The following KIZ variants were observed in gnomAD, a reference collection of about 807,000 sequenced individuals.
KIZ encodes centrosomal protein kizuna.
A neutral mutation model predicts 79.6 loss-of-function variants in KIZ; 68 were observed. The observed-to-expected ratio is 0.85, with a 90% confidence interval of 0.70 to 1.05. KIZ has a LOEUF of 1.05. Ranked by LOEUF, KIZ falls within the 50% of genes least tolerant of loss-of-function variation. KIZ has a pLI of 0.00. For missense variants in KIZ, 797 were observed against 800.4 expected, an observed-to-expected ratio of 1.00 and a Z score of 0.05; for synonymous variants, 280 against 281.8, an observed-to-expected ratio of 0.99 and a Z score of 0.06.
At chr20:21,187,226 G>C (rs1555881840) in intron 6 of KIZ, among the ~76,000 whole-genome samples, 1 of 152,138 alleles carries the variant, frequency 6.6e-6, no homozygotes, top group Non-Finnish European at 1.5e-5. Context: ...CAGCAAACCA[G>C]CCCAATCCTT....
At chr20:21,126,019 G>C, upstream of KIZ, 1 of 1,335,716 alleles carries the variant, frequency 7.5e-7, no homozygotes, top group South Asian at 1.8e-5. Context: ...GGCCCGGCGC[G>C]GTGTTTACCC....
chr20:21,201,967 T>C (rs1300363131), intron 6 of KIZ, among the ~76,000 whole-genome samples: 1 of 152,216 alleles, frequency 6.6e-6, no homozygotes, highest in Admixed American at 6.5e-5. Context: ...TGTTCAGAAG[T>C]CACAAACCCT....
chr20:21,136,131 T>G (rs778840705), intron 2 of KIZ, among the ~76,000 whole-genome samples: 1 of 152,174 alleles, frequency 6.6e-6, no homozygotes, highest in African/African-American at 2.4e-5. Flanking sequence ...ATCTTTACTG[T>G]GTGAATGTTA....
At chr20:21,238,183 G>C (rs1299820737) in intron 11 of KIZ, among the ~76,000 whole-genome samples, 1 of 151,764 alleles carries the variant, frequency 6.6e-6, no homozygotes, top group East Asian at 1.9e-4. Flanking sequence ...GAGTGAGTAA[G>C]CATGGATATA....
chr20:21,141,351 G>A (rs2122447418), intron 3 of KIZ, among the ~76,000 whole-genome samples: 1 of 152,290 alleles, frequency 6.6e-6, no homozygotes, highest in Admixed American at 6.5e-5. Flanking sequence ...TAGTCAGCCT[G>A]GCGCCAAATC....
chr20:21,159,266 A>G (rs1425990454), intron 4 of KIZ, among the ~76,000 whole-genome samples: 2 of 152,038 alleles, frequency 1.3e-5, no homozygotes, highest in Non-Finnish European at 2.9e-5. Context: ...CAATCCTCCC[A>G]TCTCAGCCTC....
intron 4 of KIZ, among the ~76,000 whole-genome samples, chr20:21,147,961 TTGTGTGTGTGTGTGTGTGTGTGTG>T (rs61333547): frequency 7.1e-6 from 1 of 141,036 alleles, no homozygotes; most frequent in Admixed American, 7.1e-5. Flanking sequence ...CTCCTGGAAT[TTGTGTGTGTGTGTGTGTGTGTGTG>T]TGTGTGTGTG....
At chr20:21,176,256 G>A (rs1295195501) in intron 6 of KIZ, among the ~76,000 whole-genome samples, 1 of 152,172 alleles carries the variant, frequency 6.6e-6, no homozygotes, top group East Asian at 1.9e-4. Context: ...GTTGCAGTGA[G>A]CCAAGATCGC....
intron 4 of KIZ, chr20:21,151,916 T>C (rs2033139991): frequency 1.3e-5 from 2 of 152,306 alleles, no homozygotes. Flanking sequence ...AGAAGCAGCC[T>C]GAATGAGCAG....
intron 11 of KIZ, among the ~76,000 whole-genome samples, chr20:21,236,688 C>CT (rs1223804726): frequency 1.1e-4 from 16 of 151,570 alleles, no homozygotes; most frequent in South Asian, 2.1e-4. Flanking sequence ...GCTATTTTTT[C>CT]TTTTTTTAAA....
At chr20:21,159,045 T>G (rs1026135322) in intron 4 of KIZ, among the ~76,000 whole-genome samples, 2 of 151,648 alleles carry the variant, frequency 1.3e-5, no homozygotes, top group Non-Finnish European at 2.9e-5. Context: ...TTTGCTCTTG[T>G]CACCCAGGCT....
At chr20:21,147,700 A>G (rs1053624325) in intron 4 of KIZ, among the ~76,000 whole-genome samples, 17 of 152,214 alleles carry the variant, frequency 1.1e-4, no homozygotes, top group Non-Finnish European at 7.3e-5. Context: ...CTCAGAAAGC[A>G]ATGTTCTTTC....
chr20:21,155,077 G>T (rs6035791), intron 4 of KIZ, among the ~76,000 whole-genome samples: 91,083 of 151,652 alleles, frequency 0.6, 28,307 homozygotes, highest in South Asian at 0.78. Context: ...ATGTAAAATG[G>T]TGCAAACACT....
intron 6 of KIZ, among the ~76,000 whole-genome samples, chr20:21,189,683 A>G (rs926035691): frequency 3.9e-5 from 6 of 152,244 alleles, no homozygotes; most frequent in African/African-American, 1.4e-4. Flanking sequence ...ACCTTAGTAC[A>G]GACGGATGGT....
intron 4 of KIZ, among the ~76,000 whole-genome samples, chr20:21,146,450 C>T (rs1017530818): frequency 2.6e-5 from 4 of 152,180 alleles, no homozygotes; most frequent in Non-Finnish European, 5.9e-5. Context: ...CAGATGATAA[C>T]GGGATATGAT....
intron 4 of KIZ, among the ~76,000 whole-genome samples, chr20:21,154,694 C>CTAA (rs1208041147): frequency 1.3e-5 from 2 of 152,184 alleles, no homozygotes; most frequent in Admixed American, 6.5e-5. Flanking sequence ...TTTTGAATTC[C>CTAA]TAATATTATT....
chr20:21,165,292 A>T (rs2033877847), intron 6 of KIZ, among the ~76,000 whole-genome samples: 1 of 152,170 alleles, frequency 6.6e-6, no homozygotes, highest in South Asian at 2.1e-4. Context: ...AAGGAGAAAG[A>T]GGAGGGAAAG....
intron 10 of KIZ, among the ~76,000 whole-genome samples, chr20:21,231,107 C>T (rs1234730230): frequency 2.0e-5 from 3 of 152,122 alleles, no homozygotes; most frequent in African/African-American, 4.8e-5. Flanking sequence ...CCAAGGGAGG[C>T]GGATCACCTG....
chr20:21,130,261 G>A (rs149324193), intron 1 of KIZ, among the ~76,000 whole-genome samples: 5 of 152,302 alleles, frequency 3.3e-5, no homozygotes, highest in Admixed American at 6.5e-5. Context: ...ATTCTAGAGG[G>A]TGACCCTCAA....
Sources: allele counts gnomAD v4.1 joint callset (sites outside exome capture counted in the v4.1 genomes callset), GRCh38; gene constraint gnomAD v4.1.1; transcripts MANE v1.5; gene names NCBI Gene and HGNC (gene_info 2026-07-23, HGNC 2026-07-21).